Variants in GRK5 observed in about 807,000 individuals in gnomAD.
GRK5 encodes G protein-coupled receptor kinase 5, also known as g protein-coupled receptor kinase GRK5.
Under a neutral mutation model 78.4 loss-of-function variants are expected in GRK5, and 40 were observed. The observed-to-expected ratio is 0.51, with a 90% CI of 0.40 to 0.66. The LOEUF (loss-of-function observed/expected upper bound fraction) is 0.66. Ranked by LOEUF, GRK5 falls within the 30% of genes least tolerant of loss-of-function variation. The pLI, the probability that GRK5 is intolerant of heterozygous loss-of-function variation, is 0.00. For synonymous variants in GRK5, 289 were observed against 296.8 expected (o/e 0.97, Z 0.27); for missense variants, 598 against 759.9 (o/e 0.79, Z 2.50).
chr10:119,413,403 A>G (rs1377100443), intron 4 of GRK5, among the ~76,000 whole-genome samples: 1 of 151,170 alleles, frequency 6.6e-6, no homozygotes, highest in African/African-American at 2.4e-5. Context: ...ACTCATGCAC[A>G]CAGGCGCGTG....
chr10:119,361,095 G>A (rs1035499070), intron 2 of GRK5, among the ~76,000 whole-genome samples: 3 of 152,186 alleles, frequency 2.0e-5, no homozygotes, highest in Non-Finnish European at 4.4e-5. Context: ...CAGCTCCTCC[G>A]CTGATGCACT....
intron 1 of GRK5, among the ~76,000 whole-genome samples, chr10:119,272,124 C>T (rs966949011): frequency 1.8e-4 from 27 of 152,194 alleles, no homozygotes; most frequent in African/African-American, 6.3e-4. Context: ...TTCTGAACTT[C>T]TGCCTTGTAT....
intron 1 of GRK5, among the ~76,000 whole-genome samples, chr10:119,280,292 G>A (rs189886695): frequency 6.6e-6 from 1 of 152,352 alleles, no homozygotes; most frequent in Admixed American, 6.5e-5. Flanking sequence ...CAAAAAGTTA[G>A]TGCCGTAACA....
At chr10:119,310,863 G>A (rs894330034) in intron 1 of GRK5, among the ~76,000 whole-genome samples, 5 of 152,190 alleles carry the variant, frequency 3.3e-5, no homozygotes, top group African/African-American at 1.2e-4. Flanking sequence ...GAGAGGTTGG[G>A]GAAGTGGCCT....
At chr10:119,443,817 G>A in intron 12 of GRK5, 65 bp downstream of exon 12, 1 of 1,383,690 alleles carries the variant, frequency 7.2e-7, no homozygotes, top group Non-Finnish European at 9.9e-7. Context: ...CCTGGCCCCA[G>A]TCTGTCCCCA....
intron 2 of GRK5, among the ~76,000 whole-genome samples, chr10:119,329,560 A>G (rs1850732629): frequency 6.6e-6 from 1 of 152,086 alleles, no homozygotes; most frequent in African/African-American, 2.4e-5. Context: ...GAGAAGCCCC[A>G]TCTCTACTAG....
intron 1 of GRK5, among the ~76,000 whole-genome samples, chr10:119,293,583 C>A (rs1019190140): frequency 1.3e-5 from 2 of 152,170 alleles, no homozygotes; most frequent in African/African-American, 4.8e-5. Context: ...ATGTTGACTG[C>A]GGATTGCCAG....
rs1448781815 is a variant in GRK5, at chr10:119,430,173, G to A, written c.534-202G>A. Among the ~76,000 whole-genome samples, 6 of 152,164 alleles carry A rather than the reference G, an allele frequency of 3.9e-5. No homozygotes were observed. The highest frequency in any genetic ancestry group is 8.8e-5 in the Non-Finnish European group (6 of 68,026). ...GCAGGGGGCTGGGGGCTGGGGGCCA[G>A]GGGGCTTGGGATTTGAACACTCAGC... On this transcript the variant is annotated intron_variant, in intron 6 of 15. Transcript: ENST00000392870. This position sits in a 1 kb window ranked among gnomAD's most constrained non-coding sequence, Gnocchi z 4.5.
At chr10:119,213,849 A>T (rs1208431520) in intron 1 of GRK5, among the ~76,000 whole-genome samples, 4 of 152,224 alleles carry the variant, frequency 2.6e-5, no homozygotes. Flanking sequence ...TTATTTGTTC[A>T]GCATTTGGTT....
intron 4 of GRK5, among the ~76,000 whole-genome samples, chr10:119,418,198 A>G (rs1296497381): frequency 6.6e-6 from 1 of 151,782 alleles, no homozygotes; most frequent in East Asian, 1.9e-4. Context: ...GAGGCAGGGC[A>G]GGTTCTTTTA....
chr10:119,291,178 C>G (rs1278067337), intron 1 of GRK5, among the ~76,000 whole-genome samples: 2 of 152,148 alleles, frequency 1.3e-5, no homozygotes, highest in African/African-American at 4.8e-5. Context: ...ACATTTTTCT[C>G]CATGATCTTC....
intron 3 of GRK5, among the ~76,000 whole-genome samples, chr10:119,381,518 A>G: frequency 6.6e-6 from 1 of 152,236 alleles, no homozygotes; most frequent in South Asian, 2.1e-4. Context: ...GCCTGACACC[A>G]TGGAGTCTTC....
intron 8 of GRK5, among the ~76,000 whole-genome samples, chr10:119,433,555 G>A (rs1852863273): frequency 6.6e-6 from 1 of 152,202 alleles, no homozygotes; most frequent in African/African-American, 2.4e-5. Context: ...AAAGGGGACA[G>A]CTGCAGCCAT....
At chr10:119,227,336 G>A (rs558807807) in intron 1 of GRK5, among the ~76,000 whole-genome samples, 4 of 152,272 alleles carry the variant, frequency 2.6e-5, no homozygotes, top group African/African-American at 4.8e-5. Context: ...GGAAGCCGAG[G>A]TGGGTGGATT....
Position 119,240,834 on chromosome 10 carries a change from A to G in GRK5, c.52+32865A>G, listed in dbSNP as rs529861358. On this transcript the variant is annotated intron_variant, in intron 1 of 15. Coordinates refer to ENST00000392870, the MANE Select transcript of GRK5 (RefSeq NM_005308.3). ...TGAGCTCAAGCAATCTTCCTGCCTC[A>G]GCCTCCCTAGCTTCCAAGTAGCTAG... Among the ~76,000 whole-genome samples, 412 of 152,248 alleles carry G rather than the reference A, an allele frequency of 2.7e-3. 2 individuals carry two copies. The highest frequency in any genetic ancestry group is 2.8e-3 in the Non-Finnish European group (191 of 68,020).
At chr10:119,450,875 G>C (rs1480372610) in intron 13 of GRK5, among the ~76,000 whole-genome samples, 1 of 152,078 alleles carries the variant, frequency 6.6e-6, no homozygotes. Flanking sequence ...GCAGGCCCTG[G>C]AGTGCGAAGC....
At chr10:119,323,324 A>G (rs983791825) in intron 1 of GRK5, among the ~76,000 whole-genome samples, 1 of 152,254 alleles carries the variant, frequency 6.6e-6, no homozygotes, top group Non-Finnish European at 1.5e-5. Flanking sequence ...ATATTTTGCC[A>G]TATGCAAAAA....
chr10:119,398,124 G>A (rs1269551500), intron 4 of GRK5, among the ~76,000 whole-genome samples: 1 of 152,232 alleles, frequency 6.6e-6, no homozygotes. Flanking sequence ...ATATGGGCCT[G>A]TTGCTGTCTG....
chr10:119,303,500 C>T (rs552336009), intron 1 of GRK5, among the ~76,000 whole-genome samples: 5 of 152,148 alleles, frequency 3.3e-5, no homozygotes, highest in Admixed American at 6.5e-5. Flanking sequence ...CTCCATGGGC[C>T]GGGAGGAGCT....
Sources: gnomAD v4.1 joint callset for allele counts (sites outside exome capture counted in the v4.1 genomes callset) on GRCh38, gnomAD v4.1.1 for gene constraint, Gnocchi (gnomAD v3.1) non-coding constraint, MANE v1.5 for transcripts, NCBI Gene and HGNC (gene_info 2026-07-23, HGNC 2026-07-21) for gene names.